Variants in CORIN observed in about 807,000 individuals in gnomAD.
CORIN encodes atrial natriuretic peptide-converting enzyme.
CORIN carries 117 observed loss-of-function variants against 125.3 expected under a neutral mutation model. That is an observed-to-expected ratio of 0.93 (90% CI 0.80 to 1.09). CORIN has a LOEUF of 1.09. CORIN is among the 50% of genes least tolerant of loss of function. The pLI, the probability that CORIN is intolerant of heterozygous loss-of-function variation, is 0.00. For synonymous variants in CORIN, 450 were observed against 466.4 expected, an observed-to-expected ratio of 0.96 and a Z score of 0.45; for missense variants, 1,253 against 1,306.7, an observed-to-expected ratio of 0.96 and a Z score of 0.63.
chr4:47,642,721 G>A (rs900308742), intron 15 of CORIN: 1 of 730,294 alleles, frequency 1.4e-6, no homozygotes, highest in African/African-American at 1.8e-5. Flanking sequence ...TCCTGTCTGT[G>A]TAAGGAGCTA....
intron 3 of CORIN, among the ~76,000 whole-genome samples, chr4:47,771,037 A>G (rs936942343): frequency 6.6e-6 from 1 of 152,022 alleles, no homozygotes; most frequent in East Asian, 1.9e-4. Flanking sequence ...AAGTATACTC[A>G]CCCCCCAAAA....
At chr4:47,719,290 G>C (rs1461922900) in intron 5 of CORIN, among the ~76,000 whole-genome samples, 5 of 152,068 alleles carry the variant, frequency 3.3e-5, no homozygotes, top group Non-Finnish European at 7.4e-5. Flanking sequence ...CCATATGTGA[G>C]TCCTTGAGAA....
At chr4:47,796,688 C>T (rs1015818166) in intron 2 of CORIN, among the ~76,000 whole-genome samples, 1 of 152,012 alleles carries the variant, frequency 6.6e-6, no homozygotes, top group African/African-American at 2.4e-5. Flanking sequence ...TTTCCAAACT[C>T]ATCAAGTTGT....
intron 5 of CORIN, among the ~76,000 whole-genome samples, chr4:47,739,104 C>A: frequency 6.6e-6 from 1 of 151,644 alleles, no homozygotes; most frequent in Admixed American, 6.6e-5. Context: ...ATGGGAGTCC[C>A]AGAAAGAGAT....
chr4:47,607,266 G>A (rs934652336), intron 19 of CORIN, among the ~76,000 whole-genome samples: 10 of 152,140 alleles, frequency 6.6e-5, no homozygotes, highest in Admixed American at 4.6e-4. Context: ...AAATTAGCCC[G>A]GCATGGTGGC....
chr4:47,604,624 A>T (rs1232516596), intron 19 of CORIN, among the ~76,000 whole-genome samples: 3 of 152,148 alleles, frequency 2.0e-5, no homozygotes, highest in African/African-American at 7.2e-5. Context: ...CTTACACCCA[A>T]CACTGAATGC....
chr4:47,643,191 C>T lies in CORIN; in HGVS notation c.2023G>A (p.Asp675Asn). ...HACVSRDLWC[D>N]GEADCSDSSD... Reference sequence around the variant, plus strand: ...CTGTCTGAGCAGTCGGCTTCACCATCACACCACAGGTCACGTGACACACAC... The same window carrying T: ...CTGTCTGAGCAGTCGGCTTCACCATTACACCACAGGTCACGTGACACACAC... Residue 675 changes from aspartate to asparagine, a missense_variant, in exon 15 of 22, where the codon GAT (aspartate) becomes AAT (asparagine). Coordinates refer to ENST00000273857, the MANE Select transcript of CORIN (RefSeq NM_006587.4). 6.2e-7 allele frequency: 1 copy of T among 1,614,120 alleles called. No individual in the cohort carries two copies. Among genetic ancestry groups the T allele is most frequent in the African/African-American group, 1.3e-5 (1 of 75,060 alleles).
intron 19 of CORIN, among the ~76,000 whole-genome samples, chr4:47,621,785 C>T (rs907369391): frequency 4.6e-5 from 7 of 151,342 alleles, no homozygotes; most frequent in Non-Finnish European, 1.0e-4. Context: ...TTTAAATCAG[C>T]GGACTTTGAG....
chr4:47,834,125 T>C (rs1396015208), intron 1 of CORIN, among the ~76,000 whole-genome samples: 1 of 152,180 alleles, frequency 6.6e-6, no homozygotes. Flanking sequence ...TGAAAAGACA[T>C]CTGCATTCCC....
chr4:47,825,762 G>A (rs749676202), intron 1 of CORIN, among the ~76,000 whole-genome samples: 51 of 147,714 alleles, frequency 3.5e-4, no homozygotes, highest in African/African-American at 5.0e-4. Flanking sequence ...GTGCAGTGGC[G>A]TGATCTCGGC....
At chr4:47,678,080 C>A in intron 8 of CORIN, 26 bp from the exon 9 acceptor site, 1 of 1,467,240 alleles carries the variant, frequency 6.8e-7, no homozygotes, top group Non-Finnish European at 9.6e-7. Flanking sequence ...ACAATATTCA[C>A]TTTATTTATT....
intron 5 of CORIN, among the ~76,000 whole-genome samples, chr4:47,731,933 T>C (rs760736420): frequency 2.0e-5 from 3 of 151,848 alleles, no homozygotes; most frequent in East Asian, 1.9e-4. Context: ...AGAACTACTA[T>C]GGGATATAGC....
chr4:47,759,804 C>A (rs1436436755), intron 4 of CORIN, among the ~76,000 whole-genome samples: 2 of 152,216 alleles, frequency 1.3e-5, no homozygotes, highest in Non-Finnish European at 2.9e-5. Context: ...AGCTACTCCT[C>A]ATCCATTCAA....
chr4:47,739,828 A>G (rs4632625), intron 5 of CORIN, among the ~76,000 whole-genome samples: 14,714 of 151,978 alleles, frequency 0.097, 831 homozygotes, highest in East Asian at 0.27. Flanking sequence ...ATACAGAAGC[A>G]AAGTGTAGAT....
At chr4:47,775,412 C>T (rs144608577) in intron 3 of CORIN, among the ~76,000 whole-genome samples, 63 of 152,204 alleles carry the variant, frequency 4.1e-4, no homozygotes, top group African/African-American at 1.5e-3. Context: ...TGTTCCCCAT[C>T]CTGTGTCCAA....
chr4:47,621,561 C>G (rs1288260831), intron 19 of CORIN, among the ~76,000 whole-genome samples: 1 of 152,198 alleles, frequency 6.6e-6, no homozygotes, highest in Admixed American at 6.5e-5. Context: ...TGTTTTGCTA[C>G]AAATTACATA....
chr4:47,819,401 T>C (rs1020877802), intron 1 of CORIN, among the ~76,000 whole-genome samples: 2 of 152,048 alleles, frequency 1.3e-5, no homozygotes, highest in Admixed American at 6.6e-5. Flanking sequence ...ACAGAAAATA[T>C]AGATAGGAAA....
intron 19 of CORIN, among the ~76,000 whole-genome samples, chr4:47,605,101 C>T (rs1049733374): frequency 6.6e-6 from 1 of 152,160 alleles, no homozygotes; most frequent in Admixed American, 6.5e-5. Flanking sequence ...ATCCAGGTCT[C>T]AACTCAAGCA....
At chr4:47,816,580 T>A (rs1208544230) in intron 1 of CORIN, among the ~76,000 whole-genome samples, 1 of 152,146 alleles carries the variant, frequency 6.6e-6, no homozygotes, top group East Asian at 1.9e-4. Context: ...AATGCAGACA[T>A]GTAAAAAGTA....
Sources: allele counts gnomAD v4.1 joint callset (sites outside exome capture counted in the v4.1 genomes callset), GRCh38; gene constraint gnomAD v4.1.1; transcripts MANE v1.5; gene names NCBI Gene and HGNC (gene_info 2026-07-23, HGNC 2026-07-21).